Variants in RNF141 observed in about 807,000 individuals in gnomAD.
The protein encoded by RNF141 is ring finger protein 141.
A neutral mutation model predicts 27.4 loss-of-function variants in RNF141; 18 were observed. The ratio of observed to expected loss-of-function variants is 0.66; its 90% CI spans 0.45 to 0.97. The LOEUF is 0.97. Among genes scored for constraint, RNF141 ranks in the 50% least tolerant of loss-of-function variants. The probability of loss-of-function intolerance (pLI) is 0.00; values close to 1 mark genes in which losing one functional copy is unlikely to be tolerated. For synonymous variants in RNF141, 97 were observed against 96.6 expected (o/e 1.00, Z -0.02); for missense variants, 230 against 279.4 (o/e 0.82, Z 1.26).
intron 4 of RNF141, among the ~76,000 whole-genome samples, chr11:10,522,963 G>A (rs1258189508): frequency 6.6e-6 from 1 of 152,186 alleles, no homozygotes; most frequent in East Asian, 1.9e-4. Context: ...TAGAGTCTGT[G>A]CCGTGCTGCC....
chr11:10,539,701 A>ATATATATATATATATATATATATAC (rs10524171), intron 1 of RNF141, among the ~76,000 whole-genome samples: 5 of 31,476 alleles, frequency 1.6e-4, no homozygotes, highest in Non-Finnish European at 3.6e-4. Flanking sequence ...CATATATATT[A>ATATATATATATATATATATATATAC]GAGAGAGAAG....
chr11:10,527,732 T>C (rs1171581013), intron 3 of RNF141, among the ~76,000 whole-genome samples: 2 of 152,154 alleles, frequency 1.3e-5, no homozygotes, highest in Non-Finnish European at 2.9e-5. Flanking sequence ...GTGCTTGGAA[T>C]AGACTGCTTG....
chr11:10,512,957 C>CT lies in RNF141; in HGVS notation c.*1958_*1959insA, dbSNP rs1849813711. 5 of 152,240 alleles carry CT rather than the reference C, an allele frequency of 3.3e-5. No individual in the cohort carries two copies. In the South Asian group the frequency reaches 6.2e-4, roughly 19 times the overall value. 9.4% of individuals were successfully genotyped at this position (152,240 alleles called of 1,614,324 possible). A position where few individuals can be genotyped will look rare whatever the true frequency, so the allele number is the denominator to read the frequency against. On this transcript the variant is annotated 3_prime_UTR_variant, in exon 6 of 6. Coordinates refer to ENST00000265981, the MANE Select transcript of RNF141 (RefSeq NM_016422.4). Reference sequence around the variant, plus strand: ...GGGGTATAGGGTATGTGTGTATGCACACGTGTTTAAAGGTTCTGTAAGATT... The same window carrying CT: ...GGGGTATAGGGTATGTGTGTATGCACTACGTGTTTAAAGGTTCTGTAAGATT...
intron 1 of RNF141, among the ~76,000 whole-genome samples, chr11:10,538,838 A>G (rs1850059845): frequency 6.6e-6 from 1 of 152,194 alleles, no homozygotes; most frequent in South Asian, 2.1e-4. Context: ...ACTGGGAAAC[A>G]TTTACTATTT....
chr11:10,528,679 T>C (rs1849960336), intron 3 of RNF141, among the ~76,000 whole-genome samples: 2 of 152,206 alleles, frequency 1.3e-5, no homozygotes, highest in South Asian at 2.1e-4. Context: ...TTAGATAATA[T>C]ACTGTGTCAA....
chr11:10,533,187 T>C (rs1442067185), intron 2 of RNF141, among the ~76,000 whole-genome samples: 1 of 152,176 alleles, frequency 6.6e-6, no homozygotes, highest in Admixed American at 6.5e-5. Flanking sequence ...ATCTGCCCAA[T>C]TGTCACCAAG....
intron 3 of RNF141, among the ~76,000 whole-genome samples, chr11:10,529,646 G>A (rs1849968877): frequency 6.6e-6 from 1 of 152,236 alleles, no homozygotes; most frequent in Admixed American, 6.5e-5. Flanking sequence ...TTGTGCTTTA[G>A]AAAGGTTAAT....
At chr11:10,538,712 T>A (rs1850058608) in intron 1 of RNF141, among the ~76,000 whole-genome samples, 1 of 152,250 alleles carries the variant, frequency 6.6e-6, no homozygotes, top group Non-Finnish European at 1.5e-5. Context: ...TTTTGACTTT[T>A]GTTAATTTGG....
chr11:10,535,143 G>A (rs1171425735), intron 1 of RNF141, among the ~76,000 whole-genome samples: 3 of 150,680 alleles, frequency 2.0e-5, no homozygotes, highest in Non-Finnish European at 4.4e-5. Context: ...ACATAAAGCA[G>A]GTGAAACAGT....
At chr11:10,517,756 GAA>G (rs564832539) in intron 5 of RNF141, 1 of 151,900 alleles carries the variant, frequency 6.6e-6, no homozygotes, top group Non-Finnish European at 1.5e-5. Context: ...TTCTGAATCA[GAA>G]AAAAAGTCTT....
chr11:10,536,681 A>T (rs549898980), intron 1 of RNF141, among the ~76,000 whole-genome samples: 2 of 152,290 alleles, frequency 1.3e-5, no homozygotes, highest in South Asian at 2.1e-4. Flanking sequence ...CCAGTCTGGT[A>T]ACAAACTCCT....
intron 4 of RNF141, among the ~76,000 whole-genome samples, chr11:10,521,142 A>G (rs1010326962): frequency 1.3e-5 from 2 of 152,232 alleles, no homozygotes; most frequent in African/African-American, 4.8e-5. Flanking sequence ...GAGCCCCTGA[A>G]TGAGCCATAT....
Position 10,515,029 on chromosome 11 carries a change from G to A in RNF141, c.580C>T (p.Gln194Ter). ...CAAGATTCATTTGCTCCAGTCATCT[G>A]TAGGCGACAAATAGGGCAATTCCTG... ...RHRNCPICRL[Q>*]MTGANESWVV... Residue 194 changes from glutamine (Q) to a stop codon, truncating the protein, a stop_gained, in exon 6 of 6, where the codon CAG (glutamine) becomes TAG (stop). Coordinates refer to ENST00000265981, the MANE Select transcript of RNF141 (RefSeq NM_016422.4). LOFTEE classifies it high-confidence loss of function. 1 of 1,613,966 alleles carries A rather than the reference G, an allele frequency of 6.2e-7. No individual in the cohort carries two copies. The highest frequency in any genetic ancestry group is 8.5e-7 in the Non-Finnish European group (1 of 1,179,916).
intron 5 of RNF141, chr11:10,517,247 A>G (rs960770185): frequency 6.6e-6 from 1 of 152,166 alleles, no homozygotes; most frequent in Non-Finnish European, 1.5e-5. Context: ...AATACACTGG[A>G]TAGAATTAAT....
intron 4 of RNF141, among the ~76,000 whole-genome samples, chr11:10,523,410 T>C (rs1037977727): frequency 6.6e-6 from 1 of 152,216 alleles, no homozygotes; most frequent in East Asian, 1.9e-4. Context: ...GGGCCGATAA[T>C]TGTACTCCCA....
chr11:10,524,897 T>TA (rs1275137340), intron 4 of RNF141, among the ~76,000 whole-genome samples: 1 of 152,214 alleles, frequency 6.6e-6, no homozygotes, highest in East Asian at 1.9e-4. Context: ...ATACCTATTA[T>TA]AAGGAAGGTG....
chr11:10,525,189 T>C lies in RNF141; in HGVS notation c.434+3A>G. 1.9e-6 allele frequency: 3 copies of C among 1,588,490 alleles called. No homozygotes were observed. Among genetic ancestry groups the C allele is most frequent in the South Asian group, 2.3e-5 (2 of 86,908 alleles). On this transcript the variant is annotated splice_donor_region_variant and intron_variant, in intron 4 of 5. Transcript: ENST00000265981. ...TGAAATACAATACTTATGCATTATA[T>C]ACCTTCCCATCCAAAGACTAGCCTG... is the stretch of plus-strand genomic sequence containing the variant.
intron 4 of RNF141, among the ~76,000 whole-genome samples, chr11:10,519,581 T>C (rs190251268): frequency 1.3e-4 from 19 of 148,816 alleles, no homozygotes; most frequent in African/African-American, 4.6e-4. Context: ...CAAACCTAGA[T>C]GGTTTAGCCT....
Position 10,513,046 on chromosome 11 carries a change from A to C in RNF141, c.*1870T>G, listed in dbSNP as rs1311469524. On this transcript the variant is annotated 3_prime_UTR_variant, in exon 6 of 6. Coordinates refer to ENST00000265981, the MANE Select transcript of RNF141 (RefSeq NM_016422.4). ...ACCACAAATAAAGTCTCAGTTTCTAAAGTAAGAACACATAAACAAGAGTAA... is the reference window on the plus strand; with the variant it reads ...ACCACAAATAAAGTCTCAGTTTCTACAGTAAGAACACATAAACAAGAGTAA... 6.6e-6 allele frequency: 1 copy of C among 152,218 alleles called. No homozygotes were observed. The highest frequency in any genetic ancestry group is 1.5e-5 in the Non-Finnish European group (1 of 68,038). 9.4% of individuals were successfully genotyped at this position (152,218 alleles called of 1,614,324 possible).
Sources: allele counts gnomAD v4.1 joint callset (sites outside exome capture counted in the v4.1 genomes callset), GRCh38; gene constraint gnomAD v4.1.1; transcripts MANE v1.5; gene names NCBI Gene and HGNC (gene_info 2026-07-23, HGNC 2026-07-21).